The following ST3GAL5 variants were observed in gnomAD, a reference collection of about 807,000 sequenced individuals.
ST3GAL5 encodes lactosylceramide alpha-2,3-sialyltransferase.
In ST3GAL5, 25 loss-of-function variants were observed where a neutral mutation model predicts 46.1. The observed-to-expected ratio is 0.54, with a 90% CI of 0.40 to 0.76. The LOEUF (loss-of-function observed/expected upper bound fraction) is 0.76, where lower values mean the gene tolerates loss of function less well. Ranked by LOEUF, ST3GAL5 falls within the 30% of genes least tolerant of loss-of-function variation. ST3GAL5 has a pLI of 0.00. For missense variants in ST3GAL5, 431 were observed against 521.2 expected (o/e 0.83, Z 1.69); for synonymous variants, 182 against 192.7 (o/e 0.94, Z 0.46).
intron 1 of ST3GAL5, among the ~76,000 whole-genome samples, chr2:85,863,768 C>T (rs554692885): frequency 6.6e-6 from 1 of 151,076 alleles, no homozygotes; most frequent in South Asian, 2.1e-4. Flanking sequence ...AGTGCAGTGG[C>T]GTGATCTCAG....
chr2:85,886,540 C>T (rs1687784529), intron 1 of ST3GAL5, among the ~76,000 whole-genome samples: 2 of 151,284 alleles, frequency 1.3e-5, no homozygotes, highest in South Asian at 2.1e-4. Flanking sequence ...CTATGCTATA[C>T]TTAAAAAAAA....
At chr2:85,864,797 G>A (rs1429264290) in intron 1 of ST3GAL5, among the ~76,000 whole-genome samples, 1 of 152,118 alleles carries the variant, frequency 6.6e-6, no homozygotes, top group Non-Finnish European at 1.5e-5. Context: ...GATTTTTAGT[G>A]GGGCATAGTA....
chr2:85,859,142 A>G (rs1266592841), intron 3 of ST3GAL5, among the ~76,000 whole-genome samples: 1 of 152,170 alleles, frequency 6.6e-6, no homozygotes, highest in Non-Finnish European at 1.5e-5. Context: ...TGCTTGTGGA[A>G]TAGTATTCTT....
intron 1 of ST3GAL5, among the ~76,000 whole-genome samples, chr2:85,879,018 C>G (rs1686875804): frequency 1.3e-5 from 2 of 152,092 alleles, no homozygotes; most frequent in Non-Finnish European, 2.9e-5. Flanking sequence ...GCCTGGGGAA[C>G]AGTGGGCAGA....
intron 1 of ST3GAL5, among the ~76,000 whole-genome samples, chr2:85,863,769 G>A (rs572957022): frequency 1.3e-5 from 2 of 151,330 alleles, no homozygotes; most frequent in South Asian, 2.1e-4. Context: ...GTGCAGTGGC[G>A]TGATCTCAGC....
intron 3 of ST3GAL5, chr2:85,853,105 A>G: frequency 2.3e-6 from 3 of 1,302,350 alleles, no homozygotes; most frequent in African/African-American, 1.5e-5. Context: ...TAGCTCTCAG[A>G]AAGGAGAGAG....
At chr2:85,858,435 T>C (rs6759239) in intron 3 of ST3GAL5, among the ~76,000 whole-genome samples, 47,088 of 152,066 alleles carry the variant, frequency 0.31, 7,667 homozygotes, top group East Asian at 0.54. Context: ...CTCAGCCTCC[T>C]GAGTAGCTGG....
intron 3 of ST3GAL5, chr2:85,848,427 T>C: frequency 4.0e-6 from 6 of 1,514,428 alleles, no homozygotes; most frequent in East Asian, 5.3e-5. Flanking sequence ...AGGGTATTCA[T>C]TTCATTGCAC....
At chr2:85,847,471 C>G in intron 4 of ST3GAL5, 2 of 1,014,900 alleles carry the variant, frequency 2.0e-6, no homozygotes, top group Non-Finnish European at 2.4e-6. Flanking sequence ...ACTTCTCAAA[C>G]GTTAAGTCCC....
At chr2:85,863,562 GCC>G in intron 1 of ST3GAL5, 77 bp from the exon 2 acceptor site, 1 of 1,510,400 alleles carries the variant, frequency 6.6e-7, no homozygotes, top group Admixed American at 1.7e-5. Flanking sequence ...TTTTCAAAGA[GCC>G]TTTATATGTT....
In ST3GAL5 at chr2:85,874,566, C is replaced by T. The variant is rs113065744; in HGVS notation, c.83-11081G>A. On this transcript the variant is annotated intron_variant, in intron 1 of 6. Coordinates refer to ENST00000638572, the MANE Select transcript of ST3GAL5 (RefSeq NM_003896.4). ...CCTTCCTTGACCACCCTCTGTAAAA[C>T]ACGACTTCCACCCCCTCACTTTCCT... 3.8e-3 allele frequency among the ~76,000 whole-genome samples: 580 copies of T among 152,150 alleles called. 1 individual carries two copies. Among genetic ancestry groups the T allele is most frequent in the African/African-American group, 0.013 (536 of 41,480 alleles).
At chr2:85,882,674 CA>C (rs79230883) in intron 1 of ST3GAL5, among the ~76,000 whole-genome samples, 83,591 of 150,830 alleles carry the variant, frequency 0.55, 23,614 homozygotes, top group East Asian at 0.68. Context: ...ACTAAAAATA[CA>C]AAAAAAAATT....
At chr2:85,846,994 A>G (rs1210956486) in intron 4 of ST3GAL5, among the ~76,000 whole-genome samples, 1 of 152,210 alleles carries the variant, frequency 6.6e-6, no homozygotes, top group Non-Finnish European at 1.5e-5. Context: ...AGCTGTCTCT[A>G]TGTTGCCCAG....
rs1681814687 is a variant in ST3GAL5 at position 85,839,986 on chromosome 2, A to G, written c.*158T>C. On this transcript the variant is annotated 3_prime_UTR_variant, in exon 7 of 7. Transcript: ENST00000638572. Reference sequence around the variant, plus strand: ...TGACCTCAAATAAATAGGAAAAAAAAAGTGGGAAGAGCTAAAATTTTTTTT... The same window carrying G: ...TGACCTCAAATAAATAGGAAAAAAAGAGTGGGAAGAGCTAAAATTTTTTTT... The G allele has an allele frequency of 9.5e-7, 1 of 1,050,644 alleles. No homozygotes were observed. The highest frequency in any genetic ancestry group is 1.6e-5 in the African/African-American group (1 of 62,008). 65.1% of individuals were successfully genotyped at this position (1,050,644 alleles called of 1,614,324 possible).
At chr2:85,871,523 A>G (rs1685921045) in intron 1 of ST3GAL5, among the ~76,000 whole-genome samples, 1 of 152,372 alleles carries the variant, frequency 6.6e-6, no homozygotes, top group Middle Eastern at 3.4e-3. Context: ...GCAGTACATG[A>G]TGAATTGCCA....
At chr2:85,862,680 C>A (rs909433908) in intron 2 of ST3GAL5, among the ~76,000 whole-genome samples, 1 of 152,070 alleles carries the variant, frequency 6.6e-6, no homozygotes, top group Non-Finnish European at 1.5e-5. Flanking sequence ...ACGTGGTGGG[C>A]CTCAATAAAT....
chr2:85,878,311 T>C (rs1299328520), intron 1 of ST3GAL5, among the ~76,000 whole-genome samples: 2 of 152,222 alleles, frequency 1.3e-5, no homozygotes, highest in African/African-American at 4.8e-5. Context: ...AACCCAGTGA[T>C]ACCCACTGTT....
chr2:85,851,980 T>C (rs568473439), intron 3 of ST3GAL5, among the ~76,000 whole-genome samples: 17 of 152,368 alleles, frequency 1.1e-4, no homozygotes, highest in Admixed American at 2.6e-4. Context: ...CAATTGTTAA[T>C]GCTGTGGCAG....
At position 85,844,538 on chromosome 2, in the gene ST3GAL5, A is replaced by G. The variant is rs140434402; in HGVS notation, c.866T>C (p.Leu289Pro). The change falls in exon 6 of 7, where the codon CTC (leucine) becomes CCC (proline). Residue 289 changes from leucine (L) to proline (P), a missense_variant. Leu to Pro is a moderately conservative substitution (Grantham distance 98, BLOSUM62 -3). Coordinates refer to ENST00000638572, the MANE Select transcript of ST3GAL5 (RefSeq NM_003896.4). The part of the protein sequence containing the change: ...KKETLPFWVR[L>P]FFWKQVAEKI... ...TTCTGCCACCTGCTTCCAAAAGAAG[A>G]GTCGTACCCAGAATGGCTAAGGAAA... 2.5e-6 allele frequency: 4 copies of G among 1,614,002 alleles called. No individual in the cohort carries two copies. Among genetic ancestry groups the G allele is most frequent in the Non-Finnish European group, 3.4e-6 (4 of 1,180,024 alleles).
Sources: allele counts gnomAD v4.1 joint callset (sites outside exome capture counted in the v4.1 genomes callset), GRCh38; gene constraint gnomAD v4.1.1; transcripts MANE v1.5; gene names NCBI Gene and HGNC (gene_info 2026-07-23, HGNC 2026-07-21).